The following TTBK2 variants were observed in gnomAD, a reference collection of about 807,000 sequenced individuals.
The protein encoded by TTBK2 is tau tubulin kinase 2.
A neutral mutation model predicts 110.8 loss-of-function variants in TTBK2; 28 were observed. That is an observed-to-expected ratio of 0.25 (90% confidence interval 0.19 to 0.35). The LOEUF is 0.35. Ranked by LOEUF, TTBK2 falls within the 10% of genes least tolerant of loss-of-function variation. TTBK2 has a pLI of 1.00. For synonymous variants in TTBK2, 532 were observed against 527.3 expected (o/e 1.01, Z -0.12); for missense variants, 1,369 against 1,500.3 (o/e 0.91, Z 1.45).
Position 42,740,183 on chromosome 15 carries a change from T to C in TTBK2, c.*5612A>G, listed in dbSNP as rs547998881. Reference sequence around the variant, plus strand: ...GCATGGTCAGCATCGCCAGTGTACATATATTCTGTGCCCATACTACCACTA... The same window carrying C: ...GCATGGTCAGCATCGCCAGTGTACACATATTCTGTGCCCATACTACCACTA... On this transcript the variant is annotated 3_prime_UTR_variant, in exon 15 of 15. Transcript: ENST00000267890. 1 of 152,334 alleles carries C rather than the reference T, an allele frequency of 6.6e-6. No individual in the cohort carries two copies. Among genetic ancestry groups the C allele is most frequent in the East Asian group, 1.9e-4 (1 of 5,186 alleles). 9.4% of individuals were successfully genotyped at this position (152,334 alleles called of 1,614,324 possible). A position where few individuals can be genotyped will look rare whatever the true frequency, so the allele number is the denominator to read the frequency against.
chr15:42,746,401 GT>G, intron 14 of TTBK2, 144 bp from the exon 15 acceptor site: 1 of 665,988 alleles, frequency 1.5e-6, no homozygotes, highest in Admixed American at 2.7e-5. Flanking sequence ...TCATATACTA[GT>G]TGTATGACCC....
intron 1 of TTBK2, among the ~76,000 whole-genome samples, chr15:42,881,600 G>A (rs543054015): frequency 1.1e-3 from 161 of 152,072 alleles, no homozygotes; most frequent in Non-Finnish European, 1.8e-3. Context: ...TAGGCCAGGC[G>A]CGGTGGCTCA....
chr15:42,867,885 A>T (rs1894442624), intron 3 of TTBK2, among the ~76,000 whole-genome samples: 1 of 152,250 alleles, frequency 6.6e-6, no homozygotes, highest in African/African-American at 2.4e-5. Context: ...CTGCACAGCA[A>T]CCAAGATATC....
At chr15:42,864,682 T>C (rs1894295464) in intron 3 of TTBK2, among the ~76,000 whole-genome samples, 1 of 152,174 alleles carries the variant, frequency 6.6e-6, no homozygotes, top group African/African-American at 2.4e-5. Flanking sequence ...AAATAGACTT[T>C]CTCAGACAAA....
intron 9 of TTBK2, among the ~76,000 whole-genome samples, chr15:42,799,537 G>C (rs997929905): frequency 5.3e-5 from 8 of 152,086 alleles, no homozygotes; most frequent in Admixed American, 5.2e-4. Flanking sequence ...GGGTTCAAGA[G>C]ATTCTCCTGC....
intron 9 of TTBK2, chr15:42,802,267 C>T (rs573592509): frequency 5.6e-5 from 45 of 801,696 alleles, no homozygotes; most frequent in African/African-American, 2.2e-4. Flanking sequence ...CAGGCCACCC[C>T]GGAAGCTGCT....
intron 10 of TTBK2, 139 bp downstream of exon 10, chr15:42,794,505 C>T: frequency 8.6e-7 from 1 of 1,158,070 alleles, no homozygotes. Flanking sequence ...TACATAAGAG[C>T]AATGTTAATT....
chr15:42,880,213 T>C (rs927385086), intron 1 of TTBK2, among the ~76,000 whole-genome samples: 1 of 152,000 alleles, frequency 6.6e-6, no homozygotes, highest in African/African-American at 2.4e-5. Flanking sequence ...CCTAAGCCCA[T>C]CAAAGGAAGC....
chr15:42,915,749 C>T (rs1179349427), intron 1 of TTBK2, among the ~76,000 whole-genome samples: 1 of 152,116 alleles, frequency 6.6e-6, no homozygotes, highest in Non-Finnish European at 1.5e-5. Flanking sequence ...GAGTTCAAGA[C>T]CAGCCTGGGC....
intron 4 of TTBK2, among the ~76,000 whole-genome samples, chr15:42,839,582 C>T (rs1567053586): frequency 6.6e-6 from 1 of 152,146 alleles, no homozygotes; most frequent in Non-Finnish European, 1.5e-5. Context: ...ATAAGTGTTT[C>T]CTTTTCACCA....
chr15:42,815,042 C>T (rs1304031427), intron 7 of TTBK2, among the ~76,000 whole-genome samples: 1 of 152,060 alleles, frequency 6.6e-6, no homozygotes, highest in Non-Finnish European at 1.5e-5. Flanking sequence ...CCTGAAAATA[C>T]TTATGTTTAT....
At chr15:42,839,894 A>G (rs1483525775) in intron 4 of TTBK2, among the ~76,000 whole-genome samples, 2 of 152,208 alleles carry the variant, frequency 1.3e-5, no homozygotes, top group Admixed American at 6.5e-5. Context: ...TGATGCAGCA[A>G]GAAGTCCCTT....
At position 42,752,037 on chromosome 15, in the gene TTBK2, G is replaced by A. The variant is rs375008079; in HGVS notation, c.3209C>T (p.Ser1070Leu). 4.8e-5 allele frequency: 78 copies of A among 1,614,114 alleles called. 1 individual carries two copies. In the South Asian group the frequency reaches 6.4e-4, roughly 13 times the overall value. The change falls in exon 14 of 15, where the codon TCG (serine) becomes TTG (leucine). Residue 1070 changes from serine to leucine, a missense_variant. Ser to Leu is a moderately radical substitution (Grantham distance 145). This residue lies in a region of TTBK2 where 1,097 missense variants were observed against 1,114.7 expected (regional missense o/e 0.98). Transcript: ENST00000267890. ...TGGTGGCCGAGGAAAGAACTGAGAC[G>A]AAGTTGAGCTATTGACCTGATCTGT... ...VNTDQVNSSTSSQFFPRPPPG... is the reference protein window; with the variant it reads ...VNTDQVNSSTLSQFFPRPPPG...
At chr15:42,886,312 C>T (rs1008454033) in intron 1 of TTBK2, among the ~76,000 whole-genome samples, 5 of 152,136 alleles carry the variant, frequency 3.3e-5, no homozygotes, top group East Asian at 3.8e-4. Context: ...TTTTGTTCTG[C>T]GACTAGCCCT....
At chr15:42,823,293 C>A (rs1051865047) in intron 6 of TTBK2, among the ~76,000 whole-genome samples, 1 of 152,092 alleles carries the variant, frequency 6.6e-6, no homozygotes, top group Non-Finnish European at 1.5e-5. Flanking sequence ...AATGAACAGG[C>A]AGATTCAAAT....
At chr15:42,783,335 A>C in intron 11 of TTBK2, 84 bp downstream of exon 11, 1 of 1,389,650 alleles carries the variant, frequency 7.2e-7, no homozygotes, top group Non-Finnish European at 1.0e-6. Flanking sequence ...ACCAGATACC[A>C]AATCTGCCTA....
At chr15:42,865,960 C>A (rs1334391076) in intron 3 of TTBK2, among the ~76,000 whole-genome samples, 7 of 152,124 alleles carry the variant, frequency 4.6e-5, no homozygotes, top group African/African-American at 1.7e-4. Context: ...AGAGACTGGA[C>A]AGACTAAATC....
At chr15:42,867,401 T>A (rs1197765314) in intron 3 of TTBK2, among the ~76,000 whole-genome samples, 30 of 150,672 alleles carry the variant, frequency 2.0e-4, no homozygotes, top group Admixed American at 2.0e-3. Flanking sequence ...ACATAGAAAA[T>A]CAATAGAGAA....
chr15:42,774,574 C>G (rs568926051), intron 13 of TTBK2, among the ~76,000 whole-genome samples: 1 of 152,292 alleles, frequency 6.6e-6, no homozygotes, highest in African/African-American at 2.4e-5. Context: ...TGAGCACGCT[C>G]TTCCCCAGAC....
Sources: allele counts gnomAD v4.1 joint callset (sites outside exome capture counted in the v4.1 genomes callset), GRCh38; gene constraint gnomAD v4.1.1; regional missense constraint gnomAD v4.1.1; transcripts MANE v1.5; gene names NCBI Gene and HGNC (gene_info 2026-07-23, HGNC 2026-07-21).